TRPC6: variants seen among roughly 807,000 people sequenced by gnomAD.
The protein encoded by TRPC6 is short transient receptor potential channel 6.
In TRPC6, 55 loss-of-function variants were observed where a neutral mutation model predicts 90.7. The observed-to-expected ratio is 0.61, with a 90% confidence interval of 0.49 to 0.76. The LOEUF (loss-of-function observed/expected upper bound fraction) is 0.76, where lower values mean the gene tolerates loss of function less well. Among genes scored for constraint, TRPC6 ranks in the 30% least tolerant of loss-of-function variants. TRPC6 has a pLI of 0.00. For missense variants in TRPC6, 989 were observed against 1,122.7 expected (o/e 0.88, Z 1.70); for synonymous variants, 393 against 393.0 (o/e 1.00, Z 0.00).
At chr11:101,524,246 A>AT (rs545004967) in intron 1 of TRPC6, among the ~76,000 whole-genome samples, 1 of 152,022 alleles carries the variant, frequency 6.6e-6, no homozygotes, top group African/African-American at 2.4e-5. Flanking sequence ...CAATCAGGCC[A>AT]TTTTTTTATT....
intron 5 of TRPC6, among the ~76,000 whole-genome samples, chr11:101,478,718 T>C (rs1207633040): frequency 6.6e-6 from 1 of 152,126 alleles, no homozygotes; most frequent in Non-Finnish European, 1.5e-5. Flanking sequence ...CCTCTGCTCG[T>C]ATAGATCTTG....
intron 10 of TRPC6, among the ~76,000 whole-genome samples, chr11:101,461,278 G>A (rs1236993688): frequency 6.6e-6 from 1 of 152,198 alleles, no homozygotes; most frequent in Non-Finnish European, 1.5e-5. Flanking sequence ...TTATAAAATT[G>A]TTTGGGCCAG....
intron 1 of TRPC6, among the ~76,000 whole-genome samples, chr11:101,519,541 C>G (rs1335277490): frequency 6.6e-6 from 1 of 152,008 alleles, no homozygotes; most frequent in Non-Finnish European, 1.5e-5. Context: ...AAATGATGTT[C>G]TCTCCAATAT....
chr11:101,546,719 C>A (rs903216095), intron 1 of TRPC6, among the ~76,000 whole-genome samples: 1 of 152,036 alleles, frequency 6.6e-6, no homozygotes, highest in Admixed American at 6.6e-5. Context: ...AAGTGAAGTG[C>A]AGCTGCAGGA....
In TRPC6 at chr11:101,517,227, C is replaced by A. The variant is rs4285844; in HGVS notation, c.171-12429G>T. On this transcript the variant is annotated intron_variant, in intron 1 of 12. Transcript: ENST00000344327. ...AGGTGAAAAGGAAAACAAATTCAGT[C>A]AAACTAGTGAAGCCATTGCTTTGGT... Among the ~76,000 whole-genome samples the A allele has an allele frequency of 1.4e-4, 22 of 152,094 alleles. No individual in the cohort carries two copies. The South Asian group carries it at 3.7e-3, about 26-fold the overall frequency.
At chr11:101,478,594 A>T (rs933421245) in intron 5 of TRPC6, among the ~76,000 whole-genome samples, 6 of 152,112 alleles carry the variant, frequency 3.9e-5, no homozygotes, top group Non-Finnish European at 7.3e-5. Context: ...TTCTGCTTGA[A>T]GGAAAAGTTC....
At chr11:101,517,985 G>A (rs10501982) in intron 1 of TRPC6, among the ~76,000 whole-genome samples, 31,931 of 152,054 alleles carry the variant, frequency 0.21, 3,509 homozygotes, top group Middle Eastern at 0.25. Flanking sequence ...TTTATACTGT[G>A]GCCAATGAAA....
At chr11:101,462,951 T>G (rs1859040671) in intron 10 of TRPC6, among the ~76,000 whole-genome samples, 1 of 152,212 alleles carries the variant, frequency 6.6e-6, no homozygotes. Flanking sequence ...GGGTTTGTCA[T>G]GAATAGCTCT....
chr11:101,473,415 C>A, intron 7 of TRPC6, 94 bp downstream of exon 7: 1 of 1,451,102 alleles, frequency 6.9e-7, no homozygotes, highest in South Asian at 1.2e-5. Context: ...GAAGTCTTTA[C>A]CAAAACATTA....
chr11:101,556,693 A>C (rs1490102306), intron 1 of TRPC6, among the ~76,000 whole-genome samples: 1 of 152,212 alleles, frequency 6.6e-6, no homozygotes, highest in Non-Finnish European at 1.5e-5. Flanking sequence ...GAATACTTCC[A>C]AACTCTTTTT....
intron 2 of TRPC6, among the ~76,000 whole-genome samples, chr11:101,493,984 AAAAGCAAATTAAT>A: frequency 6.6e-6 from 1 of 152,332 alleles, no homozygotes; most frequent in East Asian, 1.9e-4. Context: ...AAGATTCCAG[AAAAGCAAATTAAT>A]AAAGCAAATT....
intron 5 of TRPC6, among the ~76,000 whole-genome samples, chr11:101,479,857 A>G (rs577653139): frequency 6.6e-6 from 1 of 152,296 alleles, no homozygotes; most frequent in South Asian, 2.1e-4. Flanking sequence ...CTAAGTGAAA[A>G]AGGAAAAAAT....
intron 1 of TRPC6, among the ~76,000 whole-genome samples, chr11:101,539,333 G>GA (rs540926029): frequency 1.1e-3 from 164 of 152,310 alleles, no homozygotes; most frequent in Non-Finnish European, 2.0e-3. Context: ...TTAGAGTGAG[G>GA]AAAACCCTCC....
chr11:101,483,323 C>T (rs1033226043), intron 4 of TRPC6, among the ~76,000 whole-genome samples, 158 bp from the exon 5 acceptor site: 4 of 152,110 alleles, frequency 2.6e-5, no homozygotes, highest in Non-Finnish European at 5.9e-5. Context: ...TATCTTTATG[C>T]TGTTACAAAA....
intron 10 of TRPC6, among the ~76,000 whole-genome samples, chr11:101,458,924 C>A (rs1858943197): frequency 6.6e-6 from 1 of 152,180 alleles, no homozygotes; most frequent in Non-Finnish European, 1.5e-5. Context: ...TAAGCATAAG[C>A]CATATGAGTT....
chr11:101,560,957 C>G (rs1417696997), intron 1 of TRPC6, among the ~76,000 whole-genome samples: 1 of 152,080 alleles, frequency 6.6e-6, no homozygotes, highest in Non-Finnish European at 1.5e-5. Context: ...AGATTGTTGC[C>G]AATGAGTTAA....
intron 1 of TRPC6, among the ~76,000 whole-genome samples, chr11:101,580,261 G>A (rs1482300930): frequency 6.6e-6 from 1 of 152,104 alleles, no homozygotes; most frequent in Non-Finnish European, 1.5e-5. Flanking sequence ...CAGCAGTGAT[G>A]AACTGTAAAC....
At chr11:101,453,153 G>A (rs201136424) in intron 12 of TRPC6, 47 bp from the exon 13 acceptor site, 64 of 1,565,154 alleles carry the variant, frequency 4.1e-5, no homozygotes, top group African/African-American at 6.8e-5. Context: ...TACGCAATGC[G>A]GAAAAACTAG....
rs368241822 is a variant in TRPC6 at position 101,504,473 on chromosome 11, G to T, written c.496C>A (p.Leu166Ile). The change falls in exon 2 of 13, where the codon CTT (leucine) becomes ATT (isoleucine). Residue 166 changes from leucine to isoleucine, a missense_variant. Coordinates refer to ENST00000344327, the MANE Select transcript of TRPC6 (RefSeq NM_004621.6). The stretch of plus-strand genomic sequence containing the variant: ...ACATAACCTTTACTAATAGCTAGAA[G>T]CAAAGCATCCCCAACTCGAGAGAGG... ...ENLSRVGDAL[L>I]LAISKGYVRI... 3.7e-6 allele frequency: 6 copies of T among 1,614,098 alleles called. No homozygotes were observed. The highest frequency in any genetic ancestry group is 3.3e-5 in the Admixed American group (2 of 59,994).
Sources: gnomAD v4.1 joint callset for allele counts (sites outside exome capture counted in the v4.1 genomes callset) on GRCh38, gnomAD v4.1.1 for gene constraint, MANE v1.5 for transcripts, NCBI Gene and HGNC (gene_info 2026-07-23, HGNC 2026-07-21) for gene names.